PDZRN3: variants seen among roughly 807,000 people sequenced by gnomAD.
The protein encoded by PDZRN3 is PDZ domain containing ring finger 3, also known as E3 ubiquitin-protein ligase PDZRN3.
Under a neutral mutation model 85.7 loss-of-function variants are expected in PDZRN3, and 38 were observed. That is an observed-to-expected ratio of 0.44 (90% CI 0.34 to 0.58). The LOEUF (loss-of-function observed/expected upper bound fraction) is 0.58, where lower values mean the gene tolerates loss of function less well. Among genes scored for constraint, PDZRN3 ranks in the 20% least tolerant of loss-of-function variants. The pLI, the probability that PDZRN3 is intolerant of heterozygous loss-of-function variation, is 0.01. For synonymous variants in PDZRN3, 759 were observed against 638.0 expected (o/e 1.19, Z -2.86); for missense variants, 1,629 against 1,506.4 (o/e 1.08, Z -1.35).
intron 3 of PDZRN3, among the ~76,000 whole-genome samples, chr3:73,421,746 C>T (rs1177835771): frequency 6.6e-6 from 1 of 152,208 alleles, no homozygotes; most frequent in East Asian, 1.9e-4. Flanking sequence ...CTCCCAGGTT[C>T]AAGCGATTCT....
chr3:73,554,303 A>G (rs1656595841), intron 3 of PDZRN3, among the ~76,000 whole-genome samples: 1 of 152,132 alleles, frequency 6.6e-6, no homozygotes, highest in Non-Finnish European at 1.5e-5. Flanking sequence ...TCAAATATAA[A>G]AAGAGAATAA....
intron 3 of PDZRN3, among the ~76,000 whole-genome samples, chr3:73,559,362 CAATGAT>C (rs1299970990): frequency 1.3e-5 from 2 of 152,126 alleles, no homozygotes; most frequent in African/African-American, 4.8e-5. Context: ...CAAAACCCCT[CAATGAT>C]AATGATATTA....
At chr3:73,468,758 G>A (rs1273552322) in intron 3 of PDZRN3, among the ~76,000 whole-genome samples, 1 of 152,158 alleles carries the variant, frequency 6.6e-6, no homozygotes, top group Non-Finnish European at 1.5e-5. Context: ...GTGCACCAGA[G>A]GTTAAGCGGG....
chr3:73,484,887 T>C (rs1703635794), intron 3 of PDZRN3, among the ~76,000 whole-genome samples: 1 of 152,170 alleles, frequency 6.6e-6, no homozygotes, highest in Admixed American at 6.5e-5. Flanking sequence ...CTGGGCTTTC[T>C]TTTTGAGCAG....
At chr3:73,499,696 G>C (rs1459545036) in intron 3 of PDZRN3, among the ~76,000 whole-genome samples, 1 of 152,120 alleles carries the variant, frequency 6.6e-6, no homozygotes, top group Non-Finnish European at 1.5e-5. Flanking sequence ...TGGTGGTGGT[G>C]GTTGGGTCTT....
chr3:73,568,613 G>A (rs1575742841), intron 3 of PDZRN3, among the ~76,000 whole-genome samples: 2 of 152,192 alleles, frequency 1.3e-5, no homozygotes, highest in South Asian at 4.1e-4. Context: ...GAGACAGACC[G>A]ATGTCAGCAG....
chr3:73,550,237 C>T (rs1488611831), intron 3 of PDZRN3, among the ~76,000 whole-genome samples: 2 of 152,226 alleles, frequency 1.3e-5, no homozygotes, highest in East Asian at 1.9e-4. Flanking sequence ...AAAGTCTCGC[C>T]GCCACCCCTC....
chr3:73,533,289 G>A (rs1376424662), intron 3 of PDZRN3, among the ~76,000 whole-genome samples: 1 of 152,064 alleles, frequency 6.6e-6, no homozygotes, highest in Non-Finnish European at 1.5e-5. Context: ...CAGCACATAA[G>A]CCAACTGCAA....
At chr3:73,578,011 T>C (rs1285819245) in intron 3 of PDZRN3, among the ~76,000 whole-genome samples, 4 of 152,234 alleles carry the variant, frequency 2.6e-5, no homozygotes, top group Non-Finnish European at 4.4e-5. Flanking sequence ...ATATTTACCA[T>C]CCGGCCCTTT....
At chr3:73,466,282 CAAAT>C (rs1703211634) in intron 3 of PDZRN3, among the ~76,000 whole-genome samples, 1 of 150,188 alleles carries the variant, frequency 6.7e-6, no homozygotes, top group African/African-American at 2.5e-5. Context: ...TCTCCCCAAA[CAAAT>C]GCAGTTATCA....
chr3:73,416,890 T>TTTTTTTTTTTTTTTTTTTTTG (rs1559667740), intron 3 of PDZRN3, among the ~76,000 whole-genome samples: 1 of 139,960 alleles, frequency 7.1e-6, no homozygotes, highest in African/African-American at 2.8e-5. Context: ...TTTTTTTTTT[T>TTTTTTTTTTTTTTTTTTTTTG]TTTTTTTTTT....
intron 3 of PDZRN3, among the ~76,000 whole-genome samples, chr3:73,468,602 C>G (rs1703271033): frequency 1.3e-5 from 2 of 152,152 alleles, no homozygotes; most frequent in African/African-American, 4.8e-5. Flanking sequence ...TTTCCAAGAT[C>G]TCTTATACAC....
intron 3 of PDZRN3, among the ~76,000 whole-genome samples, chr3:73,588,944 G>A (rs1449054194): frequency 2.0e-5 from 3 of 152,138 alleles, no homozygotes; most frequent in South Asian, 4.1e-4. Context: ...ATTTTTCTCC[G>A]ATGAAGGGGG....
intron 3 of PDZRN3, among the ~76,000 whole-genome samples, chr3:73,574,329 T>C (rs559085031): frequency 1.7e-4 from 26 of 152,218 alleles, no homozygotes; most frequent in African/African-American, 4.8e-4. Context: ...TACTTGACCA[T>C]GGTAATTAGG....
At chr3:73,489,864 G>A (rs1057428894) in intron 3 of PDZRN3, among the ~76,000 whole-genome samples, 1 of 151,970 alleles carries the variant, frequency 6.6e-6, no homozygotes, top group African/African-American at 2.4e-5. Context: ...GAGCCACCAC[G>A]CCCGGCCGGT....
intron 2 of PDZRN3, among the ~76,000 whole-genome samples, chr3:73,606,920 C>T (rs139449375): frequency 8.3e-4 from 126 of 152,334 alleles, no homozygotes; most frequent in African/African-American, 2.9e-3. Context: ...GTTGGCCACT[C>T]CCGCCCTAGG....
intron 3 of PDZRN3, among the ~76,000 whole-genome samples, chr3:73,516,890 G>C (rs931703829): frequency 1.3e-5 from 2 of 152,150 alleles, no homozygotes; most frequent in African/African-American, 4.8e-5. Context: ...CTATGGAATG[G>C]GCTATGAGGA....
chr3:73,567,652 G>A (rs1701973108), intron 3 of PDZRN3, among the ~76,000 whole-genome samples: 1 of 152,084 alleles, frequency 6.6e-6, no homozygotes, highest in Non-Finnish European at 1.5e-5. Flanking sequence ...TCTAAACCTG[G>A]TTCATTTGTA....
intron 3 of PDZRN3, among the ~76,000 whole-genome samples, chr3:73,563,237 G>A (rs542242075): frequency 3.5e-4 from 52 of 150,380 alleles, no homozygotes; most frequent in South Asian, 1.3e-3. Flanking sequence ...GGGTTTCACC[G>A]TGTTAGCCAG....
Sources: gnomAD v4.1 joint callset for allele counts (sites outside exome capture counted in the v4.1 genomes callset) on GRCh38, gnomAD v4.1.1 for gene constraint, MANE v1.5 for transcripts, NCBI Gene and HGNC (gene_info 2026-07-23, HGNC 2026-07-21) for gene names.